Variants in CHN2 observed in about 807,000 individuals in gnomAD.
CHN2 encodes beta-chimaerin.
CHN2 carries 35 observed loss-of-function variants against 56.3 expected under a neutral mutation model. The observed-to-expected ratio is 0.62, with a 90% CI of 0.47 to 0.82. The LOEUF (loss-of-function observed/expected upper bound fraction) is 0.82. Ranked by LOEUF, CHN2 falls within the 40% of genes least tolerant of loss-of-function variation. CHN2 has a pLI of 0.00. For missense variants in CHN2, 491 were observed against 580.5 expected (o/e 0.85, Z 1.58); for synonymous variants, 210 against 212.8 (o/e 0.99, Z 0.12).
intron 1 of CHN2, among the ~76,000 whole-genome samples, chr7:29,327,271 A>G (rs1795880427): frequency 6.6e-6 from 1 of 152,190 alleles, no homozygotes; most frequent in Non-Finnish European, 1.5e-5. Flanking sequence ...AACTTTTTAA[A>G]CATGCAAATT....
At chr7:29,422,104 T>G (rs745862037) in intron 6 of CHN2, among the ~76,000 whole-genome samples, 12 of 152,230 alleles carry the variant, frequency 7.9e-5, no homozygotes, top group Non-Finnish European at 1.8e-4. Context: ...GTATACATGG[T>G]CAGAATTCAT....
In CHN2 at chr7:29,467,911, T is replaced by G. The variant is rs185660920; in HGVS notation, c.577-12368T>G. ...TTCTTTTTTTCTGTTTTGTTGCTGA[T>G]ACGATTCTAATAAGATTTAGAAACT... On this transcript the variant is annotated intron_variant, in intron 6 of 12. Coordinates refer to ENST00000222792, the MANE Select transcript of CHN2 (RefSeq NM_004067.4). Among the ~76,000 whole-genome samples, 14 of 152,294 alleles carry G rather than the reference T, an allele frequency of 9.2e-5. No individual in the cohort carries two copies. In the East Asian group the frequency reaches 2.5e-3, roughly 27 times the overall value.
intron 1 of CHN2, among the ~76,000 whole-genome samples, chr7:29,232,660 A>T (rs1349397871): frequency 2.3e-5 from 3 of 129,296 alleles, no homozygotes; most frequent in African/African-American, 8.5e-5. Context: ...TCTTTTTCAC[A>T]GTGTTGGGGC....
At chr7:29,315,895 C>A (rs150892899) in intron 1 of CHN2, among the ~76,000 whole-genome samples, 1 of 152,206 alleles carries the variant, frequency 6.6e-6, no homozygotes, top group African/African-American at 2.4e-5. Context: ...GAAATTTTAG[C>A]AAGGGTGGAC....
At chr7:29,263,753 G>A (rs572597560) in intron 1 of CHN2, among the ~76,000 whole-genome samples, 2 of 151,332 alleles carry the variant, frequency 1.3e-5, no homozygotes, top group South Asian at 2.1e-4. Flanking sequence ...CCTCTGCCCC[G>A]CCGCCCCATC....
intron 1 of CHN2, among the ~76,000 whole-genome samples, chr7:29,338,055 G>T (rs1375071817): frequency 6.6e-6 from 1 of 152,186 alleles, no homozygotes. Flanking sequence ...TAAGGGGTAA[G>T]GTTTAGGTTG....
intron 1 of CHN2, chr7:29,195,206 G>C (rs1254347314): frequency 2.1e-6 from 1 of 483,970 alleles, no homozygotes; most frequent in Non-Finnish European, 3.6e-6. Flanking sequence ...GTGGGAGAGC[G>C]GTGGTGCCCT....
In CHN2 at chr7:29,252,601, T is replaced by TTGTTTTGTTTTG. The variant is rs1788709313; in HGVS notation, c.49+57612_49+57613insGTTTTGTTTTGT. On this transcript the variant is annotated intron_variant, in intron 1 of 12. Transcript: ENST00000222792. ...TTGTTTTTTTTTTTTTTTTTTTTTTTTTTTTGAGACGGAGTCTCGCTCTGT... is the reference window on the plus strand; with the variant it reads ...TTGTTTTTTTTTTTTTTTTTTTTTTTTGTTTTGTTTTGTTTTTGAGACGGAGTCTCGCTCTGT... Among the ~76,000 whole-genome samples the TTGTTTTGTTTTG allele has an allele frequency of 4.4e-5, 2 of 45,318 alleles. 1 individual carries two copies. Among genetic ancestry groups the TTGTTTTGTTTTG allele is most frequent in the Non-Finnish European group, 7.2e-5 (2 of 27,660 alleles). The allele number at this position is 45,318 out of a possible 152,430, so 29.7% of individuals were successfully genotyped here.
intron 1 of CHN2, among the ~76,000 whole-genome samples, chr7:29,197,397 G>A (rs1011225997): frequency 1.7e-4 from 26 of 152,158 alleles, no homozygotes; most frequent in Non-Finnish European, 3.4e-4. Flanking sequence ...ACTTCTCCAA[G>A]CCTCAATTTC....
intron 1 of CHN2, among the ~76,000 whole-genome samples, chr7:29,312,822 G>A (rs991402870): frequency 6.6e-6 from 1 of 152,068 alleles, no homozygotes; most frequent in African/African-American, 2.4e-5. Context: ...TACAGGAATA[G>A]AAATAACCTA....
Position 29,496,050 on chromosome 7 carries a change from TTTC to T in CHN2, c.739+20_739+22del, listed in dbSNP as rs756410477. 179 of 1,595,272 alleles carry T rather than the reference TTTC, an allele frequency of 1.1e-4. No homozygotes were observed. Among genetic ancestry groups the T allele is most frequent in the Non-Finnish European group, 1.5e-4 (174 of 1,170,616 alleles). ...TCCGGTGCTCAGGTAGACACAGAACTTTCTTCTTTTCCAATTATATGAAATGCC... is the reference window on the plus strand; with the variant it reads ...TCCGGTGCTCAGGTAGACACAGAACTTTCTTTTCCAATTATATGAAATGCC... On this transcript the variant is annotated intron_variant, in intron 8 of 12. Transcript: ENST00000222792.
At chr7:29,493,680 A>G (rs1188818497) in intron 7 of CHN2, among the ~76,000 whole-genome samples, 1 of 152,118 alleles carries the variant, frequency 6.6e-6, no homozygotes, top group Admixed American at 6.5e-5. Context: ...TCAAAGGCCC[A>G]CACTTCTACT....
intron 6 of CHN2, among the ~76,000 whole-genome samples, chr7:29,432,322 T>C (rs936116978): frequency 3.3e-5 from 5 of 152,230 alleles, no homozygotes; most frequent in African/African-American, 9.6e-5. Context: ...CAATAGGCTA[T>C]TGGCATTCTT....
At chr7:29,375,342 G>A (rs554341488) in intron 3 of CHN2, among the ~76,000 whole-genome samples, 2 of 150,906 alleles carry the variant, frequency 1.3e-5, no homozygotes, top group Admixed American at 6.6e-5. Flanking sequence ...GGGATTACAG[G>A]TGCCCACCAC....
At chr7:29,221,837 A>T (rs1785825354) in intron 1 of CHN2, among the ~76,000 whole-genome samples, 1 of 152,180 alleles carries the variant, frequency 6.6e-6, no homozygotes, top group African/African-American at 2.4e-5. Flanking sequence ...TATACATACT[A>T]CATTTTCTTT....
intron 1 of CHN2, chr7:29,335,843 CT>C (rs1415332663): frequency 6.6e-6 from 1 of 152,224 alleles, no homozygotes; most frequent in African/African-American, 2.4e-5. Context: ...AGTTTTCTTC[CT>C]CCACTTTAAT....
chr7:29,387,220 T>C (rs1437029389), intron 3 of CHN2, among the ~76,000 whole-genome samples: 1 of 16,656 alleles, frequency 6.0e-5, no homozygotes, highest in Non-Finnish European at 1.3e-4. Flanking sequence ...GGTCCAAGTC[T>C]CACATGTGGG....
intron 1 of CHN2, chr7:29,212,893 C>G: frequency 6.2e-7 from 1 of 1,610,742 alleles, no homozygotes; most frequent in Non-Finnish European, 8.5e-7. Context: ...GTGGAGCAAC[C>G]AGACCTGGAA....
intron 1 of CHN2, among the ~76,000 whole-genome samples, chr7:29,266,158 G>A (rs758016021): frequency 6.6e-5 from 10 of 152,182 alleles, no homozygotes; most frequent in Non-Finnish European, 2.9e-5. Context: ...GTATGAGGGC[G>A]CCAAGAAGAG....
Sources: gnomAD v4.1 joint callset for allele counts (sites outside exome capture counted in the v4.1 genomes callset) on GRCh38, gnomAD v4.1.1 for gene constraint, MANE v1.5 for transcripts, NCBI Gene and HGNC (gene_info 2026-07-23, HGNC 2026-07-21) for gene names.